The following ATAD5 variants were observed in gnomAD, a reference collection of about 807,000 sequenced individuals.
ATAD5 encodes ATPase family AAA domain containing 5, also known as ATPase family AAA domain-containing protein 5.
A neutral mutation model predicts 176.9 loss-of-function variants in ATAD5; 58 were observed. That is an observed-to-expected ratio of 0.33 (90% CI 0.27 to 0.41). The LOEUF is 0.41. ATAD5 is among the 10% of genes least tolerant of loss of function. ATAD5 has a pLI of 1.00. For synonymous variants in ATAD5, 640 were observed against 712.6 expected (o/e 0.90, Z 1.62); for missense variants, 1,789 against 2,094.1 (o/e 0.85, Z 2.84).
At chr17:30,871,984 C>T (rs1423160220) in intron 14 of ATAD5, among the ~76,000 whole-genome samples, 2 of 152,108 alleles carry the variant, frequency 1.3e-5, no homozygotes, top group East Asian at 1.9e-4. Context: ...TGGAGTGGCA[C>T]GATTATGGTT....
rs760447210 is a variant in ATAD5 at position 30,835,320 on chromosome 17, T to A, written c.1239T>A (p.Asp413Glu). The A allele has an allele frequency of 2.0e-5, 32 of 1,614,004 alleles. No individual in the cohort carries two copies. Among genetic ancestry groups the A allele is most frequent in the Non-Finnish European group, 2.5e-5 (30 of 1,179,986 alleles). ...AAGCATTTAGGCAGCCAGCATCAGA[T>A]GCACTTAAAAATGGAGTTAAAAAGT... Reference protein sequence around the residue: ...FMKAFRQPASDALKNGVKKSS... With the variant: ...FMKAFRQPASEALKNGVKKSS... Residue 413 changes from aspartate to glutamate, a missense_variant, in exon 2 of 23, where the codon GAT (aspartate) becomes GAA (glutamate). Transcript: ENST00000321990.
chr17:30,869,319 C>T lies in ATAD5; in HGVS notation c.3385C>T (p.Leu1129Phe). ...EEESRLCNTV[L>F]ITGPTGVGKT... ...AGAGAGTCGTCTTTGCAATACTGTCCTTATAACAGGGCCAACAGGAGTGGG... is the reference window on the plus strand; with the variant it reads ...AGAGAGTCGTCTTTGCAATACTGTCTTTATAACAGGGCCAACAGGAGTGGG... Residue 1129 changes from leucine to phenylalanine, a missense_variant, in exon 13 of 23, where the codon CTT (leucine) becomes TTT (phenylalanine). Leu to Phe is a conservative substitution (Grantham distance 22). This residue lies in a region of ATAD5 where 487 missense variants were observed against 573.6 expected (regional missense o/e 0.85). Coordinates refer to ENST00000321990, the MANE Select transcript of ATAD5 (RefSeq NM_024857.5). 6.2e-7 allele frequency: 1 copy of T among 1,613,948 alleles called. No individual in the cohort carries two copies. Among genetic ancestry groups the T allele is most frequent in the Non-Finnish European group, 8.5e-7 (1 of 1,180,002 alleles).
chr17:30,884,376 A>ATGTAT (rs1163733128), intron 18 of ATAD5, among the ~76,000 whole-genome samples: 1 of 145,110 alleles, frequency 6.9e-6, no homozygotes, highest in African/African-American at 2.6e-5. Flanking sequence ...AAGTCGTAGT[A>ATGTAT]TGTATATAGC....
intron 19 of ATAD5, among the ~76,000 whole-genome samples, chr17:30,889,953 T>C (rs1909539074): frequency 6.9e-6 from 1 of 144,376 alleles, no homozygotes; most frequent in Non-Finnish European, 1.5e-5. Flanking sequence ...GCAGTGGCAG[T>C]GCAGCATGGC....
chr17:30,841,661 A>G (rs1336390575), intron 4 of ATAD5, among the ~76,000 whole-genome samples: 1 of 152,136 alleles, frequency 6.6e-6, no homozygotes, highest in Non-Finnish European at 1.5e-5. Context: ...TCCACCAGCC[A>G]TAGCTAACTA....
chr17:30,892,772 T>C lies in ATAD5; in HGVS notation c.4424T>C (p.Leu1475Ser). ...LKNIFSPSED[L>S]FSFLKHKITM... ...AACATTTTTTCCCCATCTGAAGACTTATTTTCATTTTTAAAGGTATTTTCA... is the reference window on the plus strand; with the variant it reads ...AACATTTTTTCCCCATCTGAAGACTCATTTTCATTTTTAAAGGTATTTTCA... Residue 1475 changes from leucine to serine, a missense_variant, in exon 20 of 23, where the codon TTA (leucine) becomes TCA (serine). Coordinates refer to ENST00000321990, the MANE Select transcript of ATAD5 (RefSeq NM_024857.5). 1 of 1,562,716 alleles carries C rather than the reference T, an allele frequency of 6.4e-7. No homozygotes were observed. Among genetic ancestry groups the C allele is most frequent in the Non-Finnish European group, 8.6e-7 (1 of 1,160,538 alleles).
At chr17:30,850,871 T>TATATATA (rs1567683718) in intron 6 of ATAD5, among the ~76,000 whole-genome samples, 4 of 11,478 alleles carry the variant, frequency 3.5e-4, no homozygotes, top group East Asian at 5.7e-3. Context: ...ATATATATAT[T>TATATATA]TTTTTTTTTT....
At chr17:30,875,669 C>T (rs539723974) in intron 14 of ATAD5, among the ~76,000 whole-genome samples, 2 of 151,810 alleles carry the variant, frequency 1.3e-5, no homozygotes, top group Admixed American at 1.3e-4. Context: ...TGGTGGTGTG[C>T]TCCTGTAGTC....
At chr17:30,850,359 T>C (rs1906798612) in intron 6 of ATAD5, among the ~76,000 whole-genome samples, 1 of 149,968 alleles carries the variant, frequency 6.7e-6, no homozygotes, top group South Asian at 2.1e-4. Context: ...TCTATGAGAC[T>C]TCTTTTTTTT....
chr17:30,846,324 T>A (rs1906497601), intron 6 of ATAD5, among the ~76,000 whole-genome samples: 1 of 152,202 alleles, frequency 6.6e-6, no homozygotes, highest in Non-Finnish European at 1.5e-5. Flanking sequence ...CACATACATA[T>A]TTTTAAATCA....
intron 17 of ATAD5, among the ~76,000 whole-genome samples, chr17:30,879,182 T>G (rs1908865103): frequency 6.6e-6 from 1 of 152,048 alleles, no homozygotes; most frequent in Non-Finnish European, 1.5e-5. Context: ...ACAAAAAAAC[T>G]TAAAAATTAT....
chr17:30,869,723 T>G, intron 14 of ATAD5, 77 bp downstream of exon 14: 1 of 1,479,744 alleles, frequency 6.8e-7, no homozygotes, highest in South Asian at 1.3e-5. Flanking sequence ...ATTATCAGCA[T>G]TTTGCCATTT....
intron 6 of ATAD5, among the ~76,000 whole-genome samples, chr17:30,847,009 G>A (rs928366582): frequency 3.3e-5 from 5 of 151,990 alleles, no homozygotes; most frequent in African/African-American, 1.2e-4. Context: ...ATGAGCCACC[G>A]TGCCTGGCCC....
intron 19 of ATAD5, among the ~76,000 whole-genome samples, chr17:30,887,797 T>G (rs114682284): frequency 6.6e-6 from 1 of 151,930 alleles, no homozygotes; most frequent in Non-Finnish European, 1.5e-5. Flanking sequence ...GCCCAGACAA[T>G]AGAGCAATAC....
intron 9 of ATAD5, 33 bp from the exon 10 acceptor site, chr17:30,860,400 T>G (rs767671424): frequency 1.3e-5 from 21 of 1,565,870 alleles, no homozygotes; most frequent in Non-Finnish European, 1.7e-5. Flanking sequence ...TGTTGATTAG[T>G]AAGCACATGC....
chr17:30,879,822 A>G (rs889292027), intron 18 of ATAD5, among the ~76,000 whole-genome samples: 21 of 151,704 alleles, frequency 1.4e-4, no homozygotes, highest in African/African-American at 5.1e-4. Context: ...TCGGCCTCCC[A>G]AAGTGCTGGG....
chr17:30,854,638 C>T (rs998624089), intron 6 of ATAD5, among the ~76,000 whole-genome samples: 1 of 151,760 alleles, frequency 6.6e-6, no homozygotes, highest in Non-Finnish European at 1.5e-5. Context: ...TCCCAAAGTG[C>T]TGGGATTACA....
intron 10 of ATAD5, among the ~76,000 whole-genome samples, chr17:30,860,966 A>G (rs1907595822): frequency 6.6e-6 from 1 of 151,044 alleles, no homozygotes; most frequent in Non-Finnish European, 1.5e-5. Flanking sequence ...GGAGCCCACC[A>G]TCATGCCCAG....
rs11445925 is a variant in ATAD5, at chr17:30,854,369, A to ATTTT, written c.2451-757_2451-754dup. 1.3e-4 allele frequency among the ~76,000 whole-genome samples: 16 copies of ATTTT among 121,008 alleles called. 1 individual carries two copies. Among genetic ancestry groups the ATTTT allele is most frequent in the African/African-American group, 1.9e-4 (6 of 30,938 alleles). 79.4% of individuals were successfully genotyped at this position (121,008 alleles called of 152,430 possible). A position where few individuals can be genotyped will look rare whatever the true frequency, so the allele number is the denominator to read the frequency against. ...AATACATTTTATTAAATTAATTTAAATTTTTTTTTTTTTTTTTTTTGAGAT... is the reference window on the plus strand; with the variant it reads ...AATACATTTTATTAAATTAATTTAAATTTTTTTTTTTTTTTTTTTTTTTTGAGAT... On this transcript the variant is annotated intron_variant, in intron 6 of 22. Transcript: ENST00000321990.
Sources: allele counts gnomAD v4.1 joint callset (sites outside exome capture counted in the v4.1 genomes callset), GRCh38; gene constraint gnomAD v4.1.1; regional missense constraint gnomAD v4.1.1; transcripts MANE v1.5; gene names NCBI Gene and HGNC (gene_info 2026-07-23, HGNC 2026-07-21).